Variants in LARS2 observed in about 807,000 individuals in gnomAD.
LARS2 encodes leucine--tRNA ligase, mitochondrial.
A neutral mutation model predicts 116.6 loss-of-function variants in LARS2; 81 were observed. The ratio of observed to expected loss-of-function variants is 0.69; its 90% CI spans 0.58 to 0.84. LARS2 has a LOEUF of 0.84. LARS2 is among the 40% of genes least tolerant of loss of function. The pLI is 0.00. For synonymous variants in LARS2, 396 were observed against 407.2 expected (o/e 0.97, Z 0.33); for missense variants, 968 against 1,114.5 (o/e 0.87, Z 1.87).
At chr3:45,410,348 AAG>A (rs1698311196) in intron 4 of LARS2, among the ~76,000 whole-genome samples, 4 of 151,988 alleles carry the variant, frequency 2.6e-5, no homozygotes, top group African/African-American at 9.7e-5. Context: ...TAAAAAGAAA[AAG>A]AGAAAGAATT....
chr3:45,458,711 G>A, intron 7 of LARS2, 32 bp from the exon 8 acceptor site: 1 of 1,611,552 alleles, frequency 6.2e-7, no homozygotes, highest in African/African-American at 1.3e-5. Context: ...GTACTCACCA[G>A]ATTGTGCCAT....
chr3:45,520,170 A>G (rs1421092766), intron 18 of LARS2, 49 bp from the exon 19 acceptor site: 1 of 1,327,878 alleles, frequency 7.5e-7, no homozygotes, highest in African/African-American at 1.4e-5. Flanking sequence ...TTTTGTGGAA[A>G]GCTTAAAAGA....
intron 6 of LARS2, among the ~76,000 whole-genome samples, chr3:45,419,986 G>A (rs1036118160): frequency 6.6e-6 from 1 of 152,192 alleles, no homozygotes; most frequent in Non-Finnish European, 1.5e-5. Flanking sequence ...CAAAAGCTTT[G>A]CACAAGGATT....
At chr3:45,422,609 A>C (rs1210229543) in intron 6 of LARS2, among the ~76,000 whole-genome samples, 2 of 152,206 alleles carry the variant, frequency 1.3e-5, no homozygotes, top group Non-Finnish European at 2.9e-5. Flanking sequence ...TTTATAATAG[A>C]CCAAGTTATT....
At chr3:45,474,858 C>A (rs1243755558) in intron 9 of LARS2, among the ~76,000 whole-genome samples, 1 of 152,092 alleles carries the variant, frequency 6.6e-6, no homozygotes, top group African/African-American at 2.4e-5. Context: ...TGTCACAAAG[C>A]AGATTAAAAG....
intron 8 of LARS2, among the ~76,000 whole-genome samples, chr3:45,469,035 T>C (rs909906898): frequency 5.9e-5 from 9 of 152,198 alleles, no homozygotes; most frequent in Non-Finnish European, 1.3e-4. Flanking sequence ...CCTCTTGCCC[T>C]GAAATCCCAT....
intron 4 of LARS2, among the ~76,000 whole-genome samples, chr3:45,402,305 A>C (rs958396696): frequency 1.2e-4 from 19 of 152,222 alleles, no homozygotes; most frequent in Admixed American, 1.3e-4. Flanking sequence ...ACACACCAGC[A>C]CCTGAGAGCC....
chr3:45,409,349 G>T (rs532890251), intron 4 of LARS2, among the ~76,000 whole-genome samples: 12 of 152,198 alleles, frequency 7.9e-5, no homozygotes, highest in Non-Finnish European at 1.6e-4. Flanking sequence ...TAACAGGAGA[G>T]TTTGGAGTTC....
chr3:45,403,017 A>G (rs868793969), intron 4 of LARS2, among the ~76,000 whole-genome samples: 1 of 147,498 alleles, frequency 6.8e-6, no homozygotes. Flanking sequence ...AGGCAGGAGA[A>G]TTGCTTGAAC....
chr3:45,446,228 C>G (rs1699015598), intron 6 of LARS2, among the ~76,000 whole-genome samples: 1 of 152,182 alleles, frequency 6.6e-6, no homozygotes, highest in Non-Finnish European at 1.5e-5. Flanking sequence ...ACTGTAAATT[C>G]TGTTTTTAAG....
intron 10 of LARS2, among the ~76,000 whole-genome samples, chr3:45,484,945 G>A (rs9842149): frequency 0.04 from 6,072 of 151,090 alleles, 343 homozygotes; most frequent in African/African-American, 0.13. Flanking sequence ...TTTTCTGCAC[G>A]TTCCAACCTG....
intron 17 of LARS2, among the ~76,000 whole-genome samples, chr3:45,517,370 C>T (rs1167156606): frequency 6.6e-6 from 1 of 152,214 alleles, no homozygotes; most frequent in Admixed American, 6.5e-5. Context: ...ACCAGAAGAT[C>T]AGACCAGCAG....
chr3:45,394,598 A>G lies in LARS2; in HGVS notation c.145A>G (p.Lys49Glu), dbSNP rs777694670. The change falls in exon 3 of 22, where the codon AAA (lysine) becomes GAA (glutamate). Residue 49 changes from lysine to glutamate, a missense_variant. Transcript: ENST00000645846. ...SIYSATGKWTKEYTLQTRKDV... is the reference protein window; with the variant it reads ...SIYSATGKWTEEYTLQTRKDV... Reference sequence around the variant, plus strand: ...CTACAGTGCCACGGGAAAGTGGACAAAAGAGTATACATTGCAGACAAGAAA... The same window carrying G: ...CTACAGTGCCACGGGAAAGTGGACAGAAGAGTATACATTGCAGACAAGAAA... 4.2e-5 allele frequency: 67 copies of G among 1,614,114 alleles called. No homozygotes were observed. Among genetic ancestry groups the G allele is most frequent in the Non-Finnish European group, 5.6e-5 (66 of 1,180,044 alleles).
At chr3:45,393,158 T>A (rs1397993135) in intron 2 of LARS2, among the ~76,000 whole-genome samples, 2 of 152,226 alleles carry the variant, frequency 1.3e-5, no homozygotes, top group Non-Finnish European at 2.9e-5. Context: ...CCCCAACCTA[T>A]GAGTTGTATT....
intron 10 of LARS2, among the ~76,000 whole-genome samples, chr3:45,479,302 A>G (rs941771189): frequency 1.3e-5 from 2 of 152,120 alleles, no homozygotes; most frequent in Non-Finnish European, 2.9e-5. Context: ...TTGTGGGTAG[A>G]GAAGAAGCTT....
chr3:45,509,161 T>TA (rs1318525512), intron 15 of LARS2, among the ~76,000 whole-genome samples: 5 of 152,074 alleles, frequency 3.3e-5, no homozygotes, highest in African/African-American at 1.2e-4. Context: ...CCCTGCCTAA[T>TA]ACTCCCGCGT....
intron 4 of LARS2, among the ~76,000 whole-genome samples, chr3:45,416,643 G>A (rs576921582): frequency 5.9e-5 from 9 of 152,342 alleles, no homozygotes; most frequent in Admixed American, 1.3e-4. Flanking sequence ...CACCAGTCAC[G>A]TGTGTCTGCT....
chr3:45,440,321 G>T (rs930848643), intron 6 of LARS2, among the ~76,000 whole-genome samples: 1 of 152,210 alleles, frequency 6.6e-6, no homozygotes, highest in African/African-American at 2.4e-5. Flanking sequence ...AAAAGACAAA[G>T]CCATCACTAA....
chr3:45,452,872 A>G lies in LARS2; in HGVS notation c.607-5871A>G, dbSNP rs903807339. Among the ~76,000 whole-genome samples, 10 of 152,256 alleles carry G rather than the reference A, an allele frequency of 6.6e-5. No homozygotes were observed. The East Asian group carries it at 9.6e-4, about 15-fold the overall frequency. ...ATGACTTGTTCTATTCAGGTTTTCA[A>G]TTACTTCATGGTTCGATCTTGCTAG... is the stretch of plus-strand genomic sequence containing the variant. On this transcript the variant is annotated intron_variant, in intron 7 of 21. Coordinates refer to ENST00000645846, the MANE Select transcript of LARS2 (RefSeq NM_015340.4).
Sources: gnomAD v4.1 joint callset for allele counts (sites outside exome capture counted in the v4.1 genomes callset) on GRCh38, gnomAD v4.1.1 for gene constraint, MANE v1.5 for transcripts, NCBI Gene and HGNC (gene_info 2026-07-23, HGNC 2026-07-21) for gene names.